TSHZ3: variants seen among roughly 807,000 people sequenced by gnomAD.
TSHZ3 encodes the protein teashirt homolog 3.
TSHZ3 carries 10 observed loss-of-function variants against 64.5 expected under a neutral mutation model. The observed-to-expected ratio is 0.16, with a 90% CI of 0.10 to 0.26. The LOEUF is 0.26. TSHZ3 is among the 10% of genes least tolerant of loss of function. The probability of loss-of-function intolerance (pLI) is 1.00; values close to 1 mark genes in which losing one functional copy is unlikely to be tolerated. For missense variants in TSHZ3, 1,242 were observed against 1,421.7 expected, an observed-to-expected ratio of 0.87 and a Z score of 2.03; for synonymous variants, 608 against 593.1, an observed-to-expected ratio of 1.03 and a Z score of -0.36.
chr19:31,243,123 C>T (rs150949734), intron 1 of TSHZ3, among the ~76,000 whole-genome samples: 113 of 152,270 alleles, frequency 7.4e-4, no homozygotes, highest in African/African-American at 2.6e-3. Context: ...CCTCCTAAAC[C>T]AACCTGTCTG....
chr19:31,309,729 G>GC (rs1319175220), intron 1 of TSHZ3, among the ~76,000 whole-genome samples: 2 of 152,188 alleles, frequency 1.3e-5, no homozygotes, highest in Non-Finnish European at 2.9e-5. Context: ...TAAGACTGTT[G>GC]CAGGAATATT....
chr19:31,215,077 A>C (rs2145162952), intron 4 of TSHZ3, among the ~76,000 whole-genome samples: 1 of 152,308 alleles, frequency 6.6e-6, no homozygotes, highest in South Asian at 2.1e-4. Context: ...TTGGTTGGCT[A>C]TACATCTCCA....
At chr19:31,191,228 T>G (rs1204587128) in intron 5 of TSHZ3, among the ~76,000 whole-genome samples, 3 of 152,130 alleles carry the variant, frequency 2.0e-5, no homozygotes, top group Non-Finnish European at 2.9e-5. Context: ...TAAAGATATA[T>G]GTAGACACAT....
intron 6 of TSHZ3, among the ~76,000 whole-genome samples, chr19:31,156,183 C>T (rs1301993700): frequency 1.3e-5 from 2 of 152,074 alleles, no homozygotes; most frequent in Admixed American, 1.3e-4. Context: ...AATGTATGCT[C>T]CAAGAAGGCA....
At position 31,277,165 on chromosome 19, in the gene TSHZ3, C is replaced by G. The variant is rs1303916725; in HGVS notation, c.2628G>C (p.Gly876=). The change falls in exon 2 of 2, where the codon GGG becomes GGC. Residue 876 remains glycine (G), a synonymous_variant. Coordinates refer to ENST00000240587, the MANE Select transcript of TSHZ3 (RefSeq NM_020856.4). The surrounding 1 kb of genome is among the most constrained non-coding windows in gnomAD (Gnocchi z 4.5). The stretch of plus-strand genomic sequence containing the variant: ...ACTCCTCAGCCTCCTCCAGAGTGGC[C>G]CCGTCAATGTCAGACTTCTCGGAGA... ...SSISEKSDID[G]ATLEEAEEST... The G allele has an allele frequency of 1.9e-6, 3 of 1,613,658 alleles. No individual in the cohort carries two copies. Among genetic ancestry groups the G allele is most frequent in the Non-Finnish European group, 2.5e-6 (3 of 1,179,826 alleles).
intron 1 of TSHZ3, among the ~76,000 whole-genome samples, chr19:31,320,080 G>C (rs1916719946): frequency 6.6e-6 from 1 of 152,168 alleles, no homozygotes; most frequent in Non-Finnish European, 1.5e-5. Context: ...ATTTTCTCGG[G>C]TTACATCTGA....
intron 4 of TSHZ3, among the ~76,000 whole-genome samples, chr19:31,227,272 G>A (rs932927845): frequency 2.0e-5 from 3 of 152,010 alleles, no homozygotes; most frequent in East Asian, 3.9e-4. Context: ...GAGCCACCAC[G>A]CCTAGCCCAA....
intron 1 of TSHZ3, among the ~76,000 whole-genome samples, chr19:31,285,107 T>C (rs971206498): frequency 1.7e-4 from 26 of 152,114 alleles, no homozygotes; most frequent in Non-Finnish European, 3.5e-4. Flanking sequence ...CCAAGGAAGA[T>C]GGGAGGAGAC....
intron 1 of TSHZ3, among the ~76,000 whole-genome samples, chr19:31,268,119 C>A (rs1443697259): frequency 6.6e-6 from 1 of 152,134 alleles, no homozygotes; most frequent in Non-Finnish European, 1.5e-5. Flanking sequence ...AGTTCCCCTG[C>A]CCATGCTGTC....
chr19:31,349,134 G>C, intron 1 of TSHZ3, 46 bp downstream of exon 1: 1 of 1,533,376 alleles, frequency 6.5e-7, no homozygotes, highest in Non-Finnish European at 8.8e-7. Context: ...GGGGCGAGCG[G>C]AGGAAGAGGA....
intron 1 of TSHZ3, among the ~76,000 whole-genome samples, chr19:31,317,374 G>A (rs1916631893): frequency 6.6e-6 from 1 of 152,196 alleles, no homozygotes; most frequent in Non-Finnish European, 1.5e-5. Context: ...ATGCTGAACA[G>A]TGCAGGCTCT....
At chr19:31,264,559 A>G (rs1368425431) in intron 1 of TSHZ3, among the ~76,000 whole-genome samples, 2 of 152,160 alleles carry the variant, frequency 1.3e-5, no homozygotes, top group Non-Finnish European at 2.9e-5. Flanking sequence ...CAGAGAGCGG[A>G]TGTCCTGTCT....
chr19:31,162,740 C>T (rs1974387390), intron 5 of TSHZ3, among the ~76,000 whole-genome samples: 1 of 152,200 alleles, frequency 6.6e-6, no homozygotes, highest in African/African-American at 2.4e-5. Context: ...TGAGCATCTA[C>T]TATGTGCTCA....
At chr19:31,161,686 G>A (rs748266613) in intron 5 of TSHZ3, among the ~76,000 whole-genome samples, 1 of 152,212 alleles carries the variant, frequency 6.6e-6, no homozygotes, top group Non-Finnish European at 1.5e-5. Flanking sequence ...TGATGTGCAG[G>A]ATCCAATCAG....
At chr19:31,229,274 A>T (rs976280270) in intron 3 of TSHZ3, among the ~76,000 whole-genome samples, 1 of 152,238 alleles carries the variant, frequency 6.6e-6, no homozygotes, top group Non-Finnish European at 1.5e-5. Flanking sequence ...AAACAGAAAG[A>T]TTAGAAACAT....
intron 1 of TSHZ3, among the ~76,000 whole-genome samples, chr19:31,253,068 G>A (rs574025990): frequency 2.6e-5 from 4 of 152,254 alleles, no homozygotes; most frequent in Non-Finnish European, 5.9e-5. Context: ...CTTGATAATA[G>A]AGTCCTAGTG....
chr19:31,257,645 T>C (rs1393448292), intron 1 of TSHZ3, among the ~76,000 whole-genome samples: 4 of 137,474 alleles, frequency 2.9e-5, no homozygotes, highest in Non-Finnish European at 5.9e-5. Flanking sequence ...TGGTTTAAGA[T>C]TGCCTGGCAG....
chr19:31,335,990 G>A (rs1271243082), intron 1 of TSHZ3, among the ~76,000 whole-genome samples: 1 of 152,130 alleles, frequency 6.6e-6, no homozygotes, highest in East Asian at 1.9e-4. Flanking sequence ...CCTGAAAACG[G>A]TGTCCCAGCT....
At chr19:31,295,005 A>G (rs1757042664) in intron 1 of TSHZ3, among the ~76,000 whole-genome samples, 1 of 152,224 alleles carries the variant, frequency 6.6e-6, no homozygotes, top group African/African-American at 2.4e-5. Context: ...AAAAACATTC[A>G]TACATCATAC....
Sources: gnomAD v4.1 joint callset for allele counts (sites outside exome capture counted in the v4.1 genomes callset) on GRCh38, gnomAD v4.1.1 for gene constraint, Gnocchi (gnomAD v3.1) non-coding constraint, MANE v1.5 for transcripts, NCBI Gene and HGNC (gene_info 2026-07-23, HGNC 2026-07-21) for gene names.